Variants in MICAL2 observed in about 807,000 individuals in gnomAD.
MICAL2 encodes the protein microtubule associated monooxygenase, calponin and LIM domain containing 2.
In MICAL2, 77 loss-of-function variants were observed where a neutral mutation model predicts 127.3. The ratio of observed to expected loss-of-function variants is 0.60; its 90% CI spans 0.50 to 0.73. MICAL2 has a LOEUF of 0.73. MICAL2 is among the 30% of genes least tolerant of loss of function. The probability of loss-of-function intolerance (pLI) is 0.00; values close to 1 mark genes in which losing one functional copy is unlikely to be tolerated. For synonymous variants in MICAL2, 570 were observed against 551.1 expected (o/e 1.03, Z -0.48); for missense variants, 1,351 against 1,434.4 (o/e 0.94, Z 0.94).
At chr11:12,175,424 C>T (rs1028459384) in intron 3 of MICAL2, among the ~76,000 whole-genome samples, 5 of 151,226 alleles carry the variant, frequency 3.3e-5, no homozygotes, top group African/African-American at 9.7e-5. Flanking sequence ...TGCAGTGAGC[C>T]GAGATTGCGC....
chr11:12,158,378 T>C (rs748974348), intron 2 of MICAL2, among the ~76,000 whole-genome samples: 3 of 152,084 alleles, frequency 2.0e-5, no homozygotes, highest in Non-Finnish European at 4.4e-5. Context: ...TAATGAGTAT[T>C]GGTTATCACA....
intron 1 of MICAL2, among the ~76,000 whole-genome samples, chr11:12,134,672 A>G (rs1851696867): frequency 6.6e-6 from 1 of 152,160 alleles, no homozygotes. Context: ...TTTTGGTTTC[A>G]AGGCACAGAA....
chr11:12,236,117 T>C, intron 15 of MICAL2, 60 bp from the exon 16 acceptor site: 1 of 1,441,422 alleles, frequency 6.9e-7, no homozygotes. Context: ...TCAGGGATCT[T>C]AGTGGGACTG....
At chr11:12,335,922 G>T (rs1036581943) in intron 32 of MICAL2, among the ~76,000 whole-genome samples, 2 of 152,192 alleles carry the variant, frequency 1.3e-5, no homozygotes, top group Admixed American at 6.5e-5. Context: ...GCTTGGGATT[G>T]ACTTGACAAT....
chr11:12,147,152 A>G (rs1268816580), intron 2 of MICAL2, among the ~76,000 whole-genome samples: 4 of 152,180 alleles, frequency 2.6e-5, no homozygotes, highest in Non-Finnish European at 4.4e-5. Flanking sequence ...TGGCACATGT[A>G]TACATATGTA....
chr11:12,338,770 T>A (rs1938810602), intron 32 of MICAL2, among the ~76,000 whole-genome samples: 1 of 152,238 alleles, frequency 6.6e-6, no homozygotes, highest in African/African-American at 2.4e-5. Context: ...TTTAAGAATG[T>A]TGAATATTGG....
At chr11:12,239,720 G>C in intron 17 of MICAL2, 135 bp downstream of exon 17, 3 of 1,055,752 alleles carry the variant, frequency 2.8e-6, no homozygotes, top group Non-Finnish European at 2.7e-6. Flanking sequence ...TAGATCAGGA[G>C]TCAACAGACT....
intron 34 of MICAL2, among the ~76,000 whole-genome samples, chr11:12,357,173 C>A (rs939633841): frequency 2.6e-5 from 4 of 152,190 alleles, no homozygotes; most frequent in African/African-American, 9.6e-5. Context: ...GGAAGTGGCA[C>A]CCTCTCTACT....
At chr11:12,358,067 G>A (rs1214808374) in intron 34 of MICAL2, among the ~76,000 whole-genome samples, 1 of 152,112 alleles carries the variant, frequency 6.6e-6, no homozygotes, top group Non-Finnish European at 1.5e-5. Context: ...GGTTTTCCCT[G>A]TCGCTTTGTA....
chr11:12,293,902 G>A, downstream of MICAL2: 2 of 1,611,658 alleles, frequency 1.2e-6, no homozygotes, highest in Non-Finnish European at 1.7e-6. Context: ...GGGAAAAAGG[G>A]AGTACTGGAG....
intron 6 of MICAL2, among the ~76,000 whole-genome samples, chr11:12,212,063 CAAAG>C (rs1256692257): frequency 6.6e-6 from 1 of 152,160 alleles, no homozygotes; most frequent in Non-Finnish European, 1.5e-5. Flanking sequence ...CCCTCATAGA[CAAAG>C]AAGAAGTCTC....
intron 4 of MICAL2, among the ~76,000 whole-genome samples, chr11:12,207,569 G>T (rs871703): frequency 6.6e-6 from 1 of 151,970 alleles, no homozygotes; most frequent in Non-Finnish European, 1.5e-5. Flanking sequence ...GAGCTGAGGC[G>T]TAGGCCCCAT....
chr11:12,292,094 A>G, downstream of MICAL2: 4 of 1,569,730 alleles, frequency 2.5e-6, no homozygotes, highest in Non-Finnish European at 3.4e-6. Flanking sequence ...TCTTTTCTTG[A>G]TAAAATAATA....
At chr11:12,350,269 G>A (rs932763673) in intron 33 of MICAL2, among the ~76,000 whole-genome samples, 1 of 152,168 alleles carries the variant, frequency 6.6e-6, no homozygotes, top group Non-Finnish European at 1.5e-5. Flanking sequence ...GCAATGGGAA[G>A]GCTGTGTCTG....
intron 29 of MICAL2, among the ~76,000 whole-genome samples, chr11:12,301,947 C>T (rs563591864): frequency 6.6e-6 from 1 of 152,166 alleles, no homozygotes; most frequent in African/African-American, 2.4e-5. Flanking sequence ...ATGTTGTAAG[C>T]TCTTTTTAAT....
intron 12 of MICAL2, 60 bp from the exon 13 acceptor site, chr11:12,224,613 C>A: frequency 6.3e-7 from 1 of 1,577,100 alleles, no homozygotes; most frequent in Middle Eastern, 1.9e-4. Flanking sequence ...GAAGGGAGCG[C>A]CAGGGCAGAC....
At chr11:12,332,982 C>T (rs1938673112) in intron 32 of MICAL2, among the ~76,000 whole-genome samples, 1 of 152,164 alleles carries the variant, frequency 6.6e-6, no homozygotes, top group Non-Finnish European at 1.5e-5. Context: ...AGTCCGCTTG[C>T]TGTATATTCA....
chr11:12,221,076 T>C (rs988940763), intron 9 of MICAL2, among the ~76,000 whole-genome samples: 3 of 152,238 alleles, frequency 2.0e-5, no homozygotes, highest in African/African-American at 7.2e-5. Flanking sequence ...CTCAGCTTGG[T>C]TGACTTGGTC....
chr11:12,294,173 G>C, downstream of MICAL2: 1 of 1,614,052 alleles, frequency 6.2e-7, no homozygotes, highest in East Asian at 2.2e-5. Context: ...AGGGGCCCAG[G>C]AGAAGATGGG....
Sources: allele counts gnomAD v4.1 joint callset (sites outside exome capture counted in the v4.1 genomes callset), GRCh38; gene constraint gnomAD v4.1.1; transcripts MANE v1.5; gene names NCBI Gene and HGNC (gene_info 2026-07-23, HGNC 2026-07-21).